Variants in TENM1 observed in about 807,000 individuals in gnomAD.
The protein encoded by TENM1 is teneurin-1.
TENM1 carries 35 observed loss-of-function variants against 174.8 expected under a neutral mutation model. That is an observed-to-expected ratio of 0.20 (90% CI 0.15 to 0.27). The LOEUF (loss-of-function observed/expected upper bound fraction) is 0.27. Ranked by LOEUF, TENM1 falls within the 10% of genes least tolerant of loss-of-function variation. The probability of loss-of-function intolerance (pLI) is 1.00; values close to 1 mark genes in which losing one functional copy is unlikely to be tolerated. For synonymous variants in TENM1, 781 were observed against 798.7 expected, an observed-to-expected ratio of 0.98 and a Z score of 0.37; for missense variants, 1,633 against 2,130.1, an observed-to-expected ratio of 0.77 and a Z score of 4.59.
At chrX:124,933,590 T>G (rs1045480352) in intron 1 of TENM1, among the ~76,000 whole-genome samples, 6 of 112,370 alleles carry the variant, frequency 5.3e-5, no homozygotes, top group African/African-American at 1.9e-4. Context: ...TTTGTTAAAA[T>G]TTCGACAGGC....
At chrX:125,077,380 G>C in the TENM1 span, among the ~76,000 whole-genome samples, 1 of 110,669 alleles carries the variant, frequency 9.0e-6, no homozygotes. Context: ...TAAGACCTTA[G>C]CTCTAATGTT....
At chrX:124,946,035 G>A (rs2058397743) in intron 1 of TENM1, among the ~76,000 whole-genome samples, 1 of 111,989 alleles carries the variant, frequency 8.9e-6, no homozygotes, top group South Asian at 3.7e-4. Flanking sequence ...GATGTCCCAT[G>A]ATGTGTTAAC....
At chrX:124,754,807 T>A (rs2054183993) in intron 3 of TENM1, among the ~76,000 whole-genome samples, 1 of 105,660 alleles carries the variant, frequency 9.5e-6, no homozygotes, top group Non-Finnish European at 1.9e-5. Context: ...TTTGAGTGAG[T>A]TTCTTAATCC....
chrX:124,749,596 C>T (rs768624524), intron 3 of TENM1, among the ~76,000 whole-genome samples: 30 of 112,000 alleles, frequency 2.7e-4, no homozygotes, highest in Middle Eastern at 4.6e-3. Context: ...TGTGGATAAC[C>T]GTTTGAAGTG....
chrX:124,671,542 A>T, intron 6 of TENM1, 141 bp downstream of exon 9: 2 of 550,072 alleles, frequency 3.6e-6, no homozygotes, highest in Non-Finnish European at 2.7e-6. Flanking sequence ...CAAGATATTT[A>T]CATGCATTTA....
At chrX:124,888,341 C>A (rs2057422563) in intron 3 of TENM1, among the ~76,000 whole-genome samples, 2 of 111,333 alleles carry the variant, frequency 1.8e-5, no homozygotes, top group African/African-American at 6.5e-5. Context: ...AGCCGCCCAA[C>A]AGTCAAGGAA....
chrX:124,881,328 G>A (rs2057297727), intron 3 of TENM1, among the ~76,000 whole-genome samples: 1 of 111,526 alleles, frequency 9.0e-6, no homozygotes, highest in Non-Finnish European at 1.9e-5. Context: ...AGTTGTTCAT[G>A]ACAGTCTCTG....
intron 3 of TENM1, among the ~76,000 whole-genome samples, chrX:124,787,010 G>A (rs1450178017): frequency 3.6e-5 from 4 of 111,413 alleles, no homozygotes; most frequent in African/African-American, 1.3e-4. Flanking sequence ...CTGTACTCAC[G>A]GGAGTCTTAT....
the TENM1 span, among the ~76,000 whole-genome samples, chrX:125,006,963 C>T: frequency 1.1e-4 from 12 of 111,526 alleles, no homozygotes; most frequent in Non-Finnish European, 2.3e-4. Context: ...GCCAGAATGC[C>T]TCTTCTCCTC....
At chrX:124,382,686 T>G in exon 31 of TENM1, 1 of 1,207,137 alleles carries the variant, frequency 8.3e-7, no homozygotes, top group Non-Finnish European at 1.1e-6. Flanking sequence ...AGGATCCCAC[T>G]CTTGAGTTTT....
chrX:125,158,769 C>T, the TENM1 span, among the ~76,000 whole-genome samples: 6 of 111,469 alleles, frequency 5.4e-5, no homozygotes, highest in Admixed American at 5.7e-4. Flanking sequence ...AAATTGCCCA[C>T]CCACAGTTTT....
chrX:124,457,916 A>G (rs1274386754), intron 22 of TENM1, among the ~76,000 whole-genome samples: 1 of 112,040 alleles, frequency 8.9e-6, no homozygotes, highest in Non-Finnish European at 1.9e-5. Context: ...AGCAGTCATA[A>G]CATTCTCTTC....
At chrX:125,004,707 T>A in the TENM1 span, among the ~76,000 whole-genome samples, 2 of 112,288 alleles carry the variant, frequency 1.8e-5, no homozygotes, top group African/African-American at 6.5e-5. Flanking sequence ...TAAATTTGCT[T>A]CATTTATATT....
At chrX:124,463,256 G>A (rs1295793405) in intron 22 of TENM1, among the ~76,000 whole-genome samples, 3 of 111,597 alleles carry the variant, frequency 2.7e-5, no homozygotes, top group African/African-American at 9.8e-5. Flanking sequence ...GCATTTGACC[G>A]CTCAGTGTCT....
chrX:124,751,345 A>G (rs1352454424), intron 3 of TENM1, among the ~76,000 whole-genome samples: 2 of 111,902 alleles, frequency 1.8e-5, no homozygotes, highest in Non-Finnish European at 3.8e-5. Flanking sequence ...TATGAGTCAC[A>G]TGTAGGGATT....
intron 3 of TENM1, among the ~76,000 whole-genome samples, chrX:124,774,235 G>A (rs1222339407): frequency 9.0e-6 from 1 of 111,673 alleles, no homozygotes; most frequent in East Asian, 2.8e-4. Context: ...ATCAAAATGT[G>A]AAACTCAATG....
chrX:124,764,434 C>G (rs1472457907), intron 3 of TENM1, among the ~76,000 whole-genome samples: 1 of 110,961 alleles, frequency 9.0e-6, no homozygotes, highest in Non-Finnish European at 1.9e-5. Flanking sequence ...TACTTAGTGA[C>G]AGCTGTATAA....
At chrX:124,590,536 G>A (rs1474435928) in intron 11 of TENM1, among the ~76,000 whole-genome samples, 4 of 111,240 alleles carry the variant, frequency 3.6e-5, no homozygotes, top group Non-Finnish European at 5.7e-5. Context: ...AATCAATATC[G>A]TGAAAATGGC....
chrX:125,095,690 C>T, the TENM1 span, among the ~76,000 whole-genome samples: 1 of 111,580 alleles, frequency 9.0e-6, no homozygotes, highest in East Asian at 2.8e-4. Context: ...ACCATACAAA[C>T]TAAATTATCT....
Sources: allele counts gnomAD v4.1 joint callset (sites outside exome capture counted in the v4.1 genomes callset), GRCh38; gene constraint gnomAD v4.1.1; transcripts MANE v1.5; gene names NCBI Gene and HGNC (gene_info 2026-07-23, HGNC 2026-07-21).